Variants in SPAG1 observed in about 807,000 individuals in gnomAD.
The protein encoded by SPAG1 is sperm associated antigen 1, also known as sperm-associated antigen 1.
In SPAG1, 69 loss-of-function variants were observed where a neutral mutation model predicts 100.5. That is an observed-to-expected ratio of 0.69 (90% CI 0.57 to 0.84). The LOEUF is 0.84. Among genes scored for constraint, SPAG1 ranks in the 40% least tolerant of loss-of-function variants. The pLI, the probability that SPAG1 is intolerant of heterozygous loss-of-function variation, is 0.00. For synonymous variants in SPAG1, 336 were observed against 411.6 expected (o/e 0.82, Z 2.22); for missense variants, 955 against 1,133.1 (o/e 0.84, Z 2.26).
chr8:100,229,647 G>A (rs1052048441), intron 14 of SPAG1, among the ~76,000 whole-genome samples: 1 of 152,220 alleles, frequency 6.6e-6, no homozygotes, highest in African/African-American at 2.4e-5. Flanking sequence ...CTGAATAGGA[G>A]AGGGGTGATA....
At chr8:100,194,406 C>T (rs536726821) in intron 10 of SPAG1, 138 bp downstream of exon 10, 17 of 1,247,738 alleles carry the variant, frequency 1.4e-5, no homozygotes, top group Middle Eastern at 2.1e-4. Context: ...AAGCCAGTTT[C>T]GCTCATCTTT....
At chr8:100,215,581 C>T (rs763380862) in intron 12 of SPAG1, among the ~76,000 whole-genome samples, 2 of 152,142 alleles carry the variant, frequency 1.3e-5, no homozygotes, top group Non-Finnish European at 2.9e-5. Flanking sequence ...CTCTGTTGCC[C>T]AGGCGCCATC....
At chr8:100,163,237 C>T (rs530491515) in intron 2 of SPAG1, among the ~76,000 whole-genome samples, 3 of 152,248 alleles carry the variant, frequency 2.0e-5, no homozygotes, top group Admixed American at 2.0e-4. Flanking sequence ...GGGCCCTATT[C>T]CCAGCGATTC....
chr8:100,213,004 TCCTGCACCCCCGCGG>T (rs1429163388), intron 10 of SPAG1, 71 bp from the exon 11 acceptor site: 2 of 553,292 alleles, frequency 3.6e-6, no homozygotes, highest in African/African-American at 5.3e-5. Flanking sequence ...GCCCTCCGCG[TCCTGCACCCCCGCGG>T]CCTCCGCGGC....
chr8:100,240,372 G>A (rs1819203972), intron 17 of SPAG1, 31 bp from the exon 18 acceptor site: 1 of 1,552,012 alleles, frequency 6.4e-7, no homozygotes, highest in African/African-American at 1.4e-5. Flanking sequence ...GTGGTTCAGT[G>A]TCACAATGCA....
chr8:100,193,918 T>C (rs1816917370), intron 9 of SPAG1, among the ~76,000 whole-genome samples, 194 bp from the exon 10 acceptor site: 1 of 152,186 alleles, frequency 6.6e-6, no homozygotes, highest in African/African-American at 2.4e-5. Context: ...TTTTTTATAC[T>C]TGTTACACCG....
At chr8:100,214,434 A>G (rs1817877616) in intron 12 of SPAG1, among the ~76,000 whole-genome samples, 1 of 152,052 alleles carries the variant, frequency 6.6e-6, no homozygotes, top group Non-Finnish European at 1.5e-5. Context: ...CCCTTTGCAC[A>G]TCTTATCTTC....
intron 18 of SPAG1, 25 bp downstream of exon 18, chr8:100,240,796 T>C (rs1819229266): frequency 6.4e-7 from 1 of 1,566,810 alleles, no homozygotes; most frequent in African/African-American, 1.4e-5. Context: ...ATTTTATTAG[T>C]AGAAATTGGT....
At chr8:100,176,953 T>C (rs199573747) in intron 3 of SPAG1, among the ~76,000 whole-genome samples, 1 of 150,730 alleles carries the variant, frequency 6.6e-6, no homozygotes, top group Non-Finnish European at 1.5e-5. Context: ...CCTTCTTTTT[T>C]TCGTTTCTTT....
At chr8:100,197,679 G>C (rs1817092880) in intron 10 of SPAG1, among the ~76,000 whole-genome samples, 2 of 152,144 alleles carry the variant, frequency 1.3e-5, no homozygotes, top group Non-Finnish European at 2.9e-5. Flanking sequence ...TATGTTCCAG[G>C]ACCATGGAAA....
intron 14 of SPAG1, among the ~76,000 whole-genome samples, chr8:100,229,634 G>A (rs932924085): frequency 2.6e-5 from 4 of 152,140 alleles, no homozygotes; most frequent in Admixed American, 2.0e-4. Flanking sequence ...CTGAACACGT[G>A]GTCTGAATAG....
chr8:100,191,586 A>T, intron 9 of SPAG1, 90 bp downstream of exon 9: 1 of 851,322 alleles, frequency 1.2e-6, no homozygotes, highest in Admixed American at 2.1e-5. Context: ...CAAACAAATT[A>T]TGTTGAAGAT....
chr8:100,158,111 G>A (rs1218249860), upstream of SPAG1: 2 of 152,446 alleles, frequency 1.3e-5, no homozygotes, highest in African/African-American at 4.8e-5. Context: ...GCGGGGCGCT[G>A]AGAAGCAGTG....
At chr8:100,172,867 T>C (rs188820151) in intron 3 of SPAG1, among the ~76,000 whole-genome samples, 38 of 152,092 alleles carry the variant, frequency 2.5e-4, no homozygotes, top group Middle Eastern at 6.8e-3. Context: ...TTCAGCCTTC[T>C]CATTTTATTG....
At chr8:100,178,493 G>A (rs1816228833) in intron 4 of SPAG1, among the ~76,000 whole-genome samples, 1 of 151,808 alleles carries the variant, frequency 6.6e-6, no homozygotes, top group African/African-American at 2.4e-5. Context: ...CACAGAGAAG[G>A]GGCCTCTTGA....
chr8:100,239,146 C>A lies in SPAG1; in HGVS notation c.2116-94C>A, dbSNP rs972568875. The A allele has an allele frequency of 2.4e-5, 17 of 722,850 alleles. No individual in the cohort carries two copies. The African/African-American group carries it at 2.4e-4, about 10-fold the overall frequency. The allele number at this position is 722,850 out of a possible 1,614,324, so 44.8% of individuals were successfully genotyped here. On this transcript the variant is annotated intron_variant, in intron 16 of 18. Transcript: ENST00000388798. The surrounding 1 kb of genome is among the most constrained non-coding windows in gnomAD (Gnocchi z 5.0). The stretch of plus-strand genomic sequence containing the variant: ...TATTAATGTGGACCCTGCACACATA[C>A]TGCACAGCTCACTACATCCACCCCA...
rs1462272281 is a variant in SPAG1 at position 100,165,965 on chromosome 8, G to T, written c.292G>T (p.Asp98Tyr). The T allele has an allele frequency of 1.9e-6, 3 of 1,612,604 alleles. No homozygotes were observed. The Admixed American group carries it at 5.0e-5, about 27-fold the overall frequency. Residue 98 changes from aspartate (D) to tyrosine (Y), a missense_variant, in exon 3 of 19, where the codon GAT (aspartate) becomes TAT (tyrosine). Physicochemically the swap from Asp to Tyr is radical, Grantham distance 160. Coordinates refer to ENST00000388798, the MANE Select transcript of SPAG1 (RefSeq NM_003114.5). ...TAEEWEKIDGDIKSWVSEIKK... is the reference protein window; with the variant it reads ...TAEEWEKIDGYIKSWVSEIKK... ...TGAAGAATGGGAAAAAATTGATGGT[G>T]ATATAAAGGTATATAGTAATACCAA...
At chr8:100,238,751 A>T (rs1262355177) in intron 16 of SPAG1, among the ~76,000 whole-genome samples, 1 of 134,254 alleles carries the variant, frequency 7.4e-6, no homozygotes, top group East Asian at 2.2e-4. Flanking sequence ...ATAGTCCTTT[A>T]TAGGTTTAAG....
chr8:100,165,700 G>A (rs754024601), intron 2 of SPAG1, 114 bp from the exon 3 acceptor site: 4 of 699,444 alleles, frequency 5.7e-6, no homozygotes, highest in Non-Finnish European at 9.5e-6. Context: ...CTGGGAAGCA[G>A]CCCTTGAGAT....
Sources: allele counts gnomAD v4.1 joint callset (sites outside exome capture counted in the v4.1 genomes callset), GRCh38; gene constraint gnomAD v4.1.1; non-coding constraint Gnocchi (gnomAD v3.1); transcripts MANE v1.5; gene names NCBI Gene and HGNC (gene_info 2026-07-23, HGNC 2026-07-21).